LRRC37B: variants seen among roughly 807,000 people sequenced by gnomAD.
LRRC37B encodes leucine rich repeat containing 37B, also known as leucine-rich repeat-containing protein 37B.
LRRC37B carries 28 observed loss-of-function variants against 98.3 expected under a neutral mutation model. The observed-to-expected ratio is 0.28, with a 90% CI of 0.21 to 0.39. LRRC37B has a LOEUF of 0.39. Among genes scored for constraint, LRRC37B ranks in the 10% least tolerant of loss-of-function variants. The pLI is 1.00. For synonymous variants in LRRC37B, 364 were observed against 442.7 expected (o/e 0.82, Z 2.23); for missense variants, 938 against 1,182.7 (o/e 0.79, Z 3.03).
intron 9 of LRRC37B, chr17:32,048,854 G>C (rs1911662388): frequency 6.7e-7 from 1 of 1,494,348 alleles, no homozygotes; most frequent in Non-Finnish European, 9.3e-7. Context: ...TGCTCCTTCA[G>C]AACGTTTTAT....
intron 7 of LRRC37B, among the ~76,000 whole-genome samples, chr17:32,039,445 C>T (rs1911343514): frequency 1.5e-5 from 2 of 131,002 alleles, no homozygotes; most frequent in African/African-American, 5.8e-5. Context: ...CCACTGCACT[C>T]CAGCCTGGGT....
At chr17:32,020,960 G>A (rs1183544983), upstream of LRRC37B, 6 of 1,463,938 alleles carry the variant, frequency 4.1e-6, no homozygotes, top group Non-Finnish European at 4.5e-6. Flanking sequence ...GGTGGGAAGG[G>A]GCGCTTGGGC....
chr17:32,023,056 G>A lies in LRRC37B; in HGVS notation c.1760+231G>A, dbSNP rs976259926. Among the ~76,000 whole-genome samples the A allele has an allele frequency of 7.9e-4, 118 of 149,880 alleles. 1 individual carries two copies. Among genetic ancestry groups the A allele is most frequent in the South Asian group, 5.9e-3 (28 of 4,744 alleles). On this transcript the variant is annotated intron_variant, in intron 1 of 11. Coordinates refer to ENST00000327564, the Ensembl canonical transcript of LRRC37B. Reference sequence around the variant, plus strand: ...TTTACTCTTACTCGTTTTCTTATCCGTTCTTATTTACCCCATCACATCATT... The same window carrying A: ...TTTACTCTTACTCGTTTTCTTATCCATTCTTATTTACCCCATCACATCATT...
At chr17:32,039,386 G>A (rs1911340610) in intron 7 of LRRC37B, among the ~76,000 whole-genome samples, 1 of 145,516 alleles carries the variant, frequency 6.9e-6, no homozygotes, top group African/African-American at 2.5e-5. Context: ...CTGAGGCGGG[G>A]GTATCGCTTG....
intron 3 of LRRC37B, among the ~76,000 whole-genome samples, chr17:32,029,887 T>G (rs1475176594): frequency 9.2e-5 from 14 of 151,980 alleles, no homozygotes; most frequent in Admixed American, 9.2e-4. Flanking sequence ...TGGTCTAGAG[T>G]GGGACCAAGA....
At chr17:32,039,393 C>T (rs1230132181) in intron 7 of LRRC37B, among the ~76,000 whole-genome samples, 2 of 145,652 alleles carry the variant, frequency 1.4e-5, no homozygotes, top group Non-Finnish European at 3.0e-5. Context: ...GGGGGTATCG[C>T]TTGAACCCAG....
chr17:32,042,314 C>A, intron 7 of LRRC37B: 1 of 174,522 alleles, frequency 5.7e-6, no homozygotes, highest in Non-Finnish European at 1.2e-5. Flanking sequence ...GCCTGTGTCA[C>A]TCTGGCACAA....
chr17:32,029,815 G>A (rs1403307071), intron 3 of LRRC37B, among the ~76,000 whole-genome samples: 3 of 152,090 alleles, frequency 2.0e-5, no homozygotes, highest in African/African-American at 4.8e-5. Context: ...CTGCATCACA[G>A]TCATTGAGAG....
intron 7 of LRRC37B, among the ~76,000 whole-genome samples, chr17:32,037,791 G>C (rs1327698140): frequency 6.6e-6 from 1 of 151,872 alleles, no homozygotes; most frequent in Non-Finnish European, 1.5e-5. Flanking sequence ...TATCCCATTG[G>C]AGATTCATTA....
chr17:32,050,331 T>C (rs1398014495), intron 11 of LRRC37B: 10 of 400,394 alleles, frequency 2.5e-5, no homozygotes, highest in Non-Finnish European at 4.1e-5. Flanking sequence ...TTAATCCCAC[T>C]AGACTATTTT....
chr17:32,030,951 A>G (rs1382494552), intron 4 of LRRC37B, among the ~76,000 whole-genome samples: 1 of 152,186 alleles, frequency 6.6e-6, no homozygotes, highest in African/African-American at 2.4e-5. Context: ...GTGATTTTGT[A>G]CTCAGGTGAC....
chr17:32,039,108 T>G (rs1412708882), intron 7 of LRRC37B, among the ~76,000 whole-genome samples: 1 of 152,020 alleles, frequency 6.6e-6, no homozygotes, highest in Non-Finnish European at 1.5e-5. Flanking sequence ...GCATATATGG[T>G]GTGAGGTTTA....
upstream of LRRC37B, among the ~76,000 whole-genome samples, chr17:32,020,271 G>A (rs1017037560): frequency 2.6e-5 from 4 of 152,216 alleles, no homozygotes; most frequent in Admixed American, 2.6e-4. Context: ...GGTAAGGGCT[G>A]TGGGGGAAGT....
intron 1 of LRRC37B, among the ~76,000 whole-genome samples, chr17:32,013,704 T>C (rs1386974945): frequency 6.8e-5 from 9 of 132,166 alleles, no homozygotes; most frequent in Non-Finnish European, 1.3e-4. Flanking sequence ...TCCCTTATAA[T>C]TGTATATGTG....
At chr17:32,051,391 G>A (rs1218341450) in intron 11 of LRRC37B, 2 of 150,628 alleles carry the variant, frequency 1.3e-5, no homozygotes, top group East Asian at 2.0e-4. Context: ...TGAAGCAGGA[G>A]AATGGCATGA....
chr17:32,037,477 G>C (rs1223555025), intron 7 of LRRC37B, among the ~76,000 whole-genome samples: 1 of 151,952 alleles, frequency 6.6e-6, no homozygotes, highest in Non-Finnish European at 1.5e-5. Flanking sequence ...TGTCGGCCAG[G>C]CTGGTCTCAA....
exon 1 of LRRC37B, chr17:32,021,593 T>G: frequency 6.2e-7 from 1 of 1,614,224 alleles, no homozygotes; most frequent in South Asian, 1.1e-5. Flanking sequence ...TAGTTCAGCT[T>G]CCTCGCCTCA....
chr17:32,047,577 CTT>C (rs1384906360), intron 8 of LRRC37B, 182 bp from the exon 12 acceptor site: 1 of 802,342 alleles, frequency 1.2e-6, no homozygotes, highest in East Asian at 2.7e-5. Flanking sequence ...GTGGCCATGT[CTT>C]TTCCTCCTTT....
intron 5 of LRRC37B, among the ~76,000 whole-genome samples, chr17:32,032,961 C>T (rs557325807): frequency 6.6e-6 from 1 of 152,140 alleles, no homozygotes; most frequent in East Asian, 1.9e-4. Context: ...GTCAGGAGTT[C>T]GAGACAAGCC....
Sources: gnomAD v4.1 joint callset for allele counts (sites outside exome capture counted in the v4.1 genomes callset) on GRCh38, gnomAD v4.1.1 for gene constraint, MANE v1.5 for transcripts, NCBI Gene and HGNC (gene_info 2026-07-23, HGNC 2026-07-21) for gene names.